The following FHIP1B variants were observed in gnomAD, a reference collection of about 807,000 sequenced individuals.
The protein encoded by FHIP1B is FHF complex subunit HOOK-interacting protein 1B.
FHIP1B carries 28 observed loss-of-function variants against 82.2 expected under a neutral mutation model. The ratio of observed to expected loss-of-function variants is 0.34; its 90% CI spans 0.25 to 0.47. The LOEUF is 0.47. Ranked by LOEUF, FHIP1B falls within the 20% of genes least tolerant of loss-of-function variation. The probability of loss-of-function intolerance (pLI) is 1.00; values close to 1 mark genes in which losing one functional copy is unlikely to be tolerated. For synonymous variants in FHIP1B, 585 were observed against 516.1 expected, an observed-to-expected ratio of 1.13 and a Z score of -1.81; for missense variants, 1,110 against 1,262.6, an observed-to-expected ratio of 0.88 and a Z score of 1.83.
Position 6,223,561 on chromosome 11 carries a change from T to C in FHIP1B, c.777+49A>G. On this transcript the variant is annotated intron_variant, in intron 3 of 11. Transcript: ENST00000449352. This position sits in a 1 kb window ranked among gnomAD's most constrained non-coding sequence, Gnocchi z 4.8. ...CCATCTCCTGGATAGGAAGGTGCTG[T>C]TCAGTATCTACACACCACACCCTAC... 1 of 1,527,112 alleles carries C rather than the reference T, an allele frequency of 6.5e-7. No homozygotes were observed. Among genetic ancestry groups the C allele is most frequent in the Non-Finnish European group, 8.8e-7 (1 of 1,138,540 alleles). The allele number at this position is 1,527,112 out of a possible 1,614,324, so 94.6% of individuals were successfully genotyped here. A position where few individuals can be genotyped will look rare whatever the true frequency, so the allele number is the denominator to read the frequency against.
At chr11:6,224,333 A>C in intron 2 of FHIP1B, 46 bp downstream of exon 2, 6 of 1,614,206 alleles carry the variant, frequency 3.7e-6, no homozygotes, top group Non-Finnish European at 5.1e-6. Flanking sequence ...GGCTGGGAGA[A>C]CTCAGGTGAT....
rs1258702491 is a variant in FHIP1B, at chr11:6,217,859, T to C, written c.1727A>G (p.Tyr576Cys). Reference protein sequence around the residue: ...VRACRTWSAPYDGERPSPEPS... With the variant: ...VRACRTWSAPCDGERPSPEPS... ...CTCAGGAGAGGGCCGCTCGCCATCATAGGGGGCAGACCAGGTACGGCAGGC... is the reference window on the plus strand; with the variant it reads ...CTCAGGAGAGGGCCGCTCGCCATCACAGGGGGCAGACCAGGTACGGCAGGC... The change falls in exon 9 of 12, where the codon TAT becomes TGT. Residue 576 changes from tyrosine to cysteine, a missense_variant. By Grantham distance (194) the Tyr-to-Cys change is radical (BLOSUM62 -2). Transcript: ENST00000449352. The C allele has an allele frequency of 6.2e-7, 1 of 1,613,644 alleles. No individual in the cohort carries two copies. Among genetic ancestry groups the C allele is most frequent in the Non-Finnish European group, 8.5e-7 (1 of 1,179,996 alleles).
Position 6,212,742 on chromosome 11 carries a change from G to C in FHIP1B, c.2558-875C>G, listed in dbSNP as rs79816137. 6.1e-3 allele frequency among the ~76,000 whole-genome samples: 930 copies of C among 152,196 alleles called. 9 individuals carry two copies. The highest frequency in any genetic ancestry group is 0.021 in the African/African-American group (879 of 41,514). ...ATACCATACCGAGCTATTAAATTTG[G>C]CATTCAGAGCCCTTCACAATCAGGC... On this transcript the variant is annotated intron_variant, in intron 11 of 11. Coordinates refer to ENST00000449352, the MANE Select transcript of FHIP1B (RefSeq NM_001098794.2).
intron 9 of FHIP1B, among the ~76,000 whole-genome samples, chr11:6,215,667 G>A (rs990722986): frequency 6.6e-6 from 1 of 152,246 alleles, no homozygotes; most frequent in African/African-American, 2.4e-5. Context: ...TGCAGGGGCA[G>A]AGAAACTGAC....
intron 1 of FHIP1B, among the ~76,000 whole-genome samples, chr11:6,234,001 G>C (rs746469357): frequency 2.0e-5 from 3 of 152,132 alleles, no homozygotes; most frequent in Non-Finnish European, 2.9e-5. Context: ...AAGTCCATGG[G>C]AGCAGAGGAG....
At position 6,214,925 on chromosome 11, in the gene FHIP1B, G is replaced by C. The variant is rs757605368; in HGVS notation, c.2216-14C>G. On this transcript the variant is annotated splice_polypyrimidine_tract_variant and intron_variant, in intron 9 of 11. Transcript: ENST00000449352. ...CCATGAAGGGGCCTGGGTTGGGGGG[G>C]AGGTGGGCACAAGGATACAAAGCCT... The C allele has an allele frequency of 2.0e-6, 3 of 1,537,950 alleles. No individual in the cohort carries two copies. Among genetic ancestry groups the C allele is most frequent in the Middle Eastern group, 1.8e-4 (1 of 5,714 alleles).
In FHIP1B at chr11:6,214,412, T is replaced by C. The variant is rs200682955; in HGVS notation, c.2556A>G (p.Leu852=). 3.1e-6 allele frequency: 5 copies of C among 1,607,504 alleles called. No homozygotes were observed. In the East Asian group the frequency reaches 1.1e-4, roughly 36 times the overall value. The change falls in exon 11 of 12, where the codon CTA becomes CTG. Residue 852 remains leucine (L), a splice_region_variant and synonymous_variant. Transcript: ENST00000449352. ...CGGGTGTGGTGGGATAGGCCTCACC[T>C]AGGGGATCAGAACGGCGTGGGGCAG... ...AGPAPRRSDP[L]VKSRRPSLGE...
At chr11:6,211,953 T>TGGGGGAAC in intron 11 of FHIP1B, 86 bp from the exon 12 acceptor site, 2 of 1,474,864 alleles carry the variant, frequency 1.4e-6, no homozygotes, top group Non-Finnish European at 1.8e-6. Flanking sequence ...ACCCCCTAGG[T>TGGGGGAAC]TCTTGGACTT....
intron 6 of FHIP1B, among the ~76,000 whole-genome samples, chr11:6,220,279 T>C (rs776360923): frequency 7.9e-5 from 12 of 152,210 alleles, no homozygotes; most frequent in Non-Finnish European, 1.2e-4. Flanking sequence ...GAGATCTCAA[T>C]GCCACAACTG....
chr11:6,214,080 GCCTA>G (rs1847153042), intron 11 of FHIP1B, among the ~76,000 whole-genome samples: 1 of 123,136 alleles, frequency 8.1e-6, no homozygotes, highest in African/African-American at 3.2e-5. Context: ...CCACTCCTTT[GCCTA>G]CCTAAGTCCT....
At chr11:6,222,278 C>T (rs1017880169) in intron 6 of FHIP1B, among the ~76,000 whole-genome samples, 164 bp downstream of exon 6, 2 of 152,084 alleles carry the variant, frequency 1.3e-5, no homozygotes, top group Admixed American at 1.3e-4. Context: ...AAAATCTGTA[C>T]CCAAAATGGT....
Position 6,223,506 on chromosome 11 carries a change from G to A in FHIP1B, c.777+104C>T. ...TTTCAAATCCAGGAACTGTTTCCTA[G>A]GGGAACGGGCCCTGGAACATAGCCT... On this transcript the variant is annotated intron_variant, in intron 3 of 11. Coordinates refer to ENST00000449352, the MANE Select transcript of FHIP1B (RefSeq NM_001098794.2). This position sits in a 1 kb window ranked among gnomAD's most constrained non-coding sequence, Gnocchi z 4.8. 2 of 1,411,616 alleles carry A rather than the reference G, an allele frequency of 1.4e-6. No individual in the cohort carries two copies. The highest frequency in any genetic ancestry group is 1.9e-6 in the Non-Finnish European group (2 of 1,041,272). The allele number at this position is 1,411,616 out of a possible 1,614,324, so 87.4% of individuals were successfully genotyped here.
In FHIP1B at chr11:6,224,530, C is replaced by A. The variant is rs778130363; in HGVS notation, c.-14G>T. On this transcript the variant is annotated 5_prime_UTR_variant, in exon 2 of 12. Transcript: ENST00000449352. Reference sequence around the variant, plus strand: ...CATCCTCTCCATGAGGCAGGCTGGGCAGGACTGGCAGCCAGAGGCCTACAC... The same window carrying A: ...CATCCTCTCCATGAGGCAGGCTGGGAAGGACTGGCAGCCAGAGGCCTACAC... 5.6e-6 allele frequency: 9 copies of A among 1,597,516 alleles called. No individual in the cohort carries two copies. The highest frequency in any genetic ancestry group is 2.2e-5 in the East Asian group (1 of 44,810).
At chr11:6,218,228 G>C (rs1847304468) in intron 8 of FHIP1B, 78 bp from the exon 9 acceptor site, 1 of 1,489,764 alleles carries the variant, frequency 6.7e-7, no homozygotes, top group African/African-American at 1.4e-5. Context: ...GGGAGACTAA[G>C]AAAGAAGACA....
chr11:6,217,907 C>T lies in FHIP1B; in HGVS notation c.1679G>A (p.Arg560His), dbSNP rs1198127019. 23 of 1,612,856 alleles carry T rather than the reference C, an allele frequency of 1.4e-5. No individual in the cohort carries two copies. The highest frequency in any genetic ancestry group is 3.3e-5 in the Admixed American group (2 of 60,004). Reference protein sequence around the residue: ...NYLEYLREARRGVDRCVRACR... With the variant: ...NYLEYLREARHGVDRCVRACR... ...GGCTCGGACACAGCGGTCCACACCA[C>T]GACGTGCCTCACGCAGATACTCCAG... The change falls in exon 9 of 12, where the codon CGT becomes CAT. Residue 560 changes from arginine (R) to histidine (H), a missense_variant. This residue lies in a region of FHIP1B where 418 missense variants were observed against 371.4 expected (regional missense o/e 1.13). Coordinates refer to ENST00000449352, the MANE Select transcript of FHIP1B (RefSeq NM_001098794.2).
rs753859976 is a variant in FHIP1B at position 6,211,477 on chromosome 11, C to A, written c.*29G>T. 51 of 1,545,856 alleles carry A rather than the reference C, an allele frequency of 3.3e-5. 1 individual carries two copies. The East Asian group carries it at 1.1e-3, about 33-fold the overall frequency. On this transcript the variant is annotated 3_prime_UTR_variant, in exon 12 of 12. Coordinates refer to ENST00000449352, the MANE Select transcript of FHIP1B (RefSeq NM_001098794.2). The stretch of plus-strand genomic sequence containing the variant: ...GTGCCCTAGCCCCAGCCCGGGCCAC[C>A]CATGGCCCTGATTGTCCATGGAAGA...
chr11:6,222,506 A>G lies in FHIP1B; in HGVS notation c.1127T>C (p.Leu376Ser). 3 of 1,614,088 alleles carry G rather than the reference A, an allele frequency of 1.9e-6. No homozygotes were observed. Among genetic ancestry groups the G allele is most frequent in the Non-Finnish European group, 2.5e-6 (3 of 1,180,020 alleles). Reference protein sequence around the residue: ...LLRTFLRFLLLHRHDTHTILD... With the variant: ...LLRTFLRFLLSHRHDTHTILD... Reference sequence around the variant, plus strand: ...GATGGTGTGGGTGTCATGCCGGTGCAACAACAGGAATCGCAGGAAGGTACG... The same window carrying G: ...GATGGTGTGGGTGTCATGCCGGTGCGACAACAGGAATCGCAGGAAGGTACG... The change falls in exon 6 of 12, where the codon TTG becomes TCG. Residue 376 changes from leucine (L) to serine (S), a missense_variant. Physicochemically the swap from Leu to Ser is moderately radical, Grantham distance 145 (BLOSUM62 -2). This residue lies in a region of FHIP1B where 467 missense variants were observed against 602.9 expected (regional missense o/e 0.77). Coordinates refer to ENST00000449352, the MANE Select transcript of FHIP1B (RefSeq NM_001098794.2).
Position 6,214,772 on chromosome 11 carries a change from G to C in FHIP1B, c.2355C>G (p.Thr785=). 6.2e-7 allele frequency: 1 copy of C among 1,602,804 alleles called. No individual in the cohort carries two copies. The highest frequency in any genetic ancestry group is 1.3e-5 in the African/African-American group (1 of 74,628). ...QPLLRSFLLN[T]NMVFQPSVKS... Reference sequence around the variant, plus strand: ...TGACACTGGGCTGGAAGACCATGTTGGTGTTGAGCAGGAAAGAGCGGAGCA... The same window carrying C: ...TGACACTGGGCTGGAAGACCATGTTCGTGTTGAGCAGGAAAGAGCGGAGCA... The change falls in exon 10 of 12, where the codon ACC becomes ACG. Residue 785 remains threonine (T), a synonymous_variant. Coordinates refer to ENST00000449352, the MANE Select transcript of FHIP1B (RefSeq NM_001098794.2).
chr11:6,226,218 G>T (rs1457870090), intron 1 of FHIP1B, among the ~76,000 whole-genome samples: 1 of 152,172 alleles, frequency 6.6e-6, no homozygotes, highest in African/African-American at 2.4e-5. Flanking sequence ...CACAACTAAA[G>T]GAAGGTAGCC....
Sources: allele counts gnomAD v4.1 joint callset (sites outside exome capture counted in the v4.1 genomes callset), GRCh38; gene constraint gnomAD v4.1.1; regional missense constraint gnomAD v4.1.1; non-coding constraint Gnocchi (gnomAD v3.1); transcripts MANE v1.5; gene names NCBI Gene and HGNC (gene_info 2026-07-23, HGNC 2026-07-21).